COL27A1: variants seen among roughly 807,000 people sequenced by gnomAD.
The protein encoded by COL27A1 is collagen alpha-1(XXVII) chain.
Under a neutral mutation model 251.3 loss-of-function variants are expected in COL27A1, and 106 were observed. The observed-to-expected ratio is 0.42, with a 90% CI of 0.36 to 0.50. The LOEUF (loss-of-function observed/expected upper bound fraction) is 0.50, where lower values mean the gene tolerates loss of function less well. COL27A1 is among the 20% of genes least tolerant of loss of function. The pLI is 0.00. For missense variants in COL27A1, 2,325 were observed against 2,522.8 expected, an observed-to-expected ratio of 0.92 and a Z score of 1.68; for synonymous variants, 1,000 against 986.3, an observed-to-expected ratio of 1.01 and a Z score of -0.26.
chr9:114,207,001 G>C (rs879393227), intron 10 of COL27A1, among the ~76,000 whole-genome samples: 1 of 152,202 alleles, frequency 6.6e-6, no homozygotes, highest in Non-Finnish European at 1.5e-5. Flanking sequence ...TGGTGGAATC[G>C]TTTCTTTTAC....
chr9:114,192,874 A>C (rs1828842651), intron 5 of COL27A1, among the ~76,000 whole-genome samples: 1 of 152,174 alleles, frequency 6.6e-6, no homozygotes, highest in Admixed American at 6.5e-5. Flanking sequence ...AGGATTTGGA[A>C]AATCTGAGTT....
chr9:114,204,423 T>C (rs1298149574), intron 7 of COL27A1, among the ~76,000 whole-genome samples: 1 of 152,166 alleles, frequency 6.6e-6, no homozygotes, highest in African/African-American at 2.4e-5. Context: ...ACAGTCAGCT[T>C]GGTTCTCTCG....
intron 37 of COL27A1, among the ~76,000 whole-genome samples, chr9:114,280,901 G>A (rs1457364850): frequency 9.9e-5 from 15 of 152,182 alleles, no homozygotes; most frequent in Non-Finnish European, 2.1e-4. Flanking sequence ...TCATGCGCTG[G>A]CCACCCTAGA....
intron 24 of COL27A1, among the ~76,000 whole-genome samples, chr9:114,249,304 G>A (rs1372006100): frequency 6.6e-6 from 1 of 152,238 alleles, no homozygotes; most frequent in Non-Finnish European, 1.5e-5. Flanking sequence ...TCTGTGAAAT[G>A]TTAGCTGTGA....
At chr9:114,185,673 A>G (rs1288837941) in intron 5 of COL27A1, among the ~76,000 whole-genome samples, 1 of 152,236 alleles carries the variant, frequency 6.6e-6, no homozygotes, top group Non-Finnish European at 1.5e-5. Context: ...CCCAGGGCCT[A>G]TGCTGTCCCG....
Position 114,282,290 on chromosome 9 carries a change from A to G in COL27A1, c.3731A>G (p.Lys1244Arg). The part of the protein sequence containing the change: ...GVTGVRGPEG[K>R]SGKQGEKGRT... ...CTCTCTCTTCAGGGTCCTGAAGGAA[A>G]ATCAGGGAAGCAAGGCGAGAAGGGC... The change falls in exon 38 of 61, where the codon AAA becomes AGA. Residue 1244 changes from lysine (K) to arginine (R), a missense_variant. Physicochemically the swap from Lys to Arg is conservative, Grantham distance 26. Around this residue, in one of 4 missense-constraint regions of COL27A1, gnomAD observed 662 missense variants for 795.3 expected, o/e 0.83. Coordinates refer to ENST00000356083, the MANE Select transcript of COL27A1 (RefSeq NM_032888.4). 1 of 1,613,906 alleles carries G rather than the reference A, an allele frequency of 6.2e-7. No homozygotes were observed. Among genetic ancestry groups the G allele is most frequent in the Non-Finnish European group, 8.5e-7 (1 of 1,179,964 alleles).
At chr9:114,184,114 G>A (rs1362712479) in intron 5 of COL27A1, among the ~76,000 whole-genome samples, 1 of 47,034 alleles carries the variant, frequency 2.1e-5, no homozygotes, top group Admixed American at 2.5e-4. Flanking sequence ...TGCCGAAGGA[G>A]CTGTGGAGGG....
In COL27A1 at chr9:114,169,474, G is replaced by A. The variant is rs1194587887; in HGVS notation, c.1908+11G>A. 1.3e-6 allele frequency: 2 copies of A among 1,516,420 alleles called. No homozygotes were observed. Among genetic ancestry groups the A allele is most frequent in the Admixed American group, 4.3e-5 (2 of 47,036 alleles). 93.9% of individuals were successfully genotyped at this position (1,516,420 alleles called of 1,614,324 possible). A position where few individuals can be genotyped will look rare whatever the true frequency, so the allele number is the denominator to read the frequency against. On this transcript the variant is annotated intron_variant, in intron 3 of 60. Coordinates refer to ENST00000356083, the MANE Select transcript of COL27A1 (RefSeq NM_032888.4). ...GACTGTGGCTTGCCGGTAAGACTGA[G>A]TGGGGTCTGCATGCTGCTTGGAGCT... is the stretch of plus-strand genomic sequence containing the variant.
At position 114,183,161 on chromosome 9, in the gene COL27A1, A is replaced by C. The variant is rs565684222; in HGVS notation, c.2016+86A>C. 3.1e-6 allele frequency: 4 copies of C among 1,302,384 alleles called. No homozygotes were observed. The East Asian group carries it at 9.3e-5, about 30-fold the overall frequency. 80.7% of individuals were successfully genotyped at this position (1,302,384 alleles called of 1,614,324 possible). ...GTGCTTCCCAGGGGTGCCTGGTGGG[A>C]GGGCTTCAGGGGAACTGAGGGGGAT... On this transcript the variant is annotated intron_variant, in intron 5 of 60. Transcript: ENST00000356083.
At chr9:114,275,355 T>C (rs113203470) in intron 36 of COL27A1, among the ~76,000 whole-genome samples, 1 of 152,120 alleles carries the variant, frequency 6.6e-6, no homozygotes, top group African/African-American at 2.4e-5. Flanking sequence ...GTGAACTCCA[T>C]GGGGTGGGTG....
intron 12 of COL27A1, chr9:114,218,066 C>T: frequency 3.0e-6 from 1 of 337,412 alleles, no homozygotes. Flanking sequence ...GTTATCACAC[C>T]ACTGCACTTC....
chr9:114,200,102 G>A (rs1023051950), intron 7 of COL27A1, among the ~76,000 whole-genome samples: 3 of 152,126 alleles, frequency 2.0e-5, no homozygotes, highest in South Asian at 2.1e-4. Flanking sequence ...AGTGTGTCTG[G>A]GGAAATGTGA....
At chr9:114,186,911 G>A (rs1588617278) in intron 5 of COL27A1, among the ~76,000 whole-genome samples, 1 of 152,206 alleles carries the variant, frequency 6.6e-6, no homozygotes, top group African/African-American at 2.4e-5. Context: ...CTAGGGCAGA[G>A]GTGGGGGTCT....
intron 51 of COL27A1, 57 bp from the exon 52 acceptor site, chr9:114,301,015 C>T (rs952555712): frequency 3.3e-5 from 51 of 1,530,960 alleles, no homozygotes; most frequent in Admixed American, 3.9e-5. Flanking sequence ...CCCCGCTCCC[C>T]GTGTCTGTTC....
At chr9:114,190,911 A>C (rs1179442038) in intron 5 of COL27A1, among the ~76,000 whole-genome samples, 2 of 152,214 alleles carry the variant, frequency 1.3e-5, no homozygotes, top group Non-Finnish European at 2.9e-5. Flanking sequence ...ATGGTTAGTT[A>C]GACTTTGTAT....
intron 3 of COL27A1, among the ~76,000 whole-genome samples, chr9:114,171,681 G>T (rs1210716843): frequency 6.6e-6 from 1 of 151,778 alleles, no homozygotes; most frequent in Non-Finnish European, 1.5e-5. Context: ...GCCCAGGCTG[G>T]TCTTAAACTC....
rs748498592 is a variant in COL27A1, at chr9:114,169,106, C to G, written c.1551C>G (p.Pro517=). 1 of 1,614,148 alleles carries G rather than the reference C, an allele frequency of 6.2e-7. No individual in the cohort carries two copies. The highest frequency in any genetic ancestry group is 1.7e-5 in the Admixed American group (1 of 60,016). The stretch of plus-strand genomic sequence containing the variant: ...CTCCAACTTCGGGCACCAGCACTCC[C>G]AGAACAGCACCTGCCGTCCCCACTC... ...MVPPTSGTST[P]RTAPAVPTPG... is the part of the protein sequence containing the mutation. The change falls in exon 3 of 61, where the codon CCC becomes CCG. Residue 517 remains proline, a synonymous_variant. Transcript: ENST00000356083.
intron 14 of COL27A1, among the ~76,000 whole-genome samples, chr9:114,228,259 G>A (rs1327161697): frequency 6.6e-6 from 1 of 152,258 alleles, no homozygotes; most frequent in African/African-American, 2.4e-5. Flanking sequence ...CAGGCCTGGA[G>A]GGAGGAAGAA....
intron 19 of COL27A1, among the ~76,000 whole-genome samples, chr9:114,239,934 G>A (rs750941428): frequency 6.6e-5 from 10 of 152,160 alleles, no homozygotes; most frequent in Non-Finnish European, 1.5e-4. Flanking sequence ...TAGCAGCACC[G>A]GATTTGAGAA....
Sources: allele counts gnomAD v4.1 joint callset (sites outside exome capture counted in the v4.1 genomes callset), GRCh38; gene constraint gnomAD v4.1.1; regional missense constraint gnomAD v4.1.1; transcripts MANE v1.5; gene names NCBI Gene and HGNC (gene_info 2026-07-23, HGNC 2026-07-21).